The following DMD variants were observed in gnomAD, a reference collection of about 807,000 sequenced individuals.
DMD encodes the protein dystrophin, also known as mutant dystrophin.
A neutral mutation model predicts 330.1 loss-of-function variants in DMD; 63 were observed. That is an observed-to-expected ratio of 0.19 (90% confidence interval 0.16 to 0.24). The LOEUF (loss-of-function observed/expected upper bound fraction) is 0.24. Ranked by LOEUF, DMD falls within the 10% of genes least tolerant of loss-of-function variation. DMD has a pLI of 1.00. For missense variants in DMD, 3,344 were observed against 2,684.1 expected (o/e 1.25, Z -5.43); for synonymous variants, 1,223 against 959.8 (o/e 1.27, Z -5.07).
intron 23 of DMD, among the ~76,000 whole-genome samples, chrX:32,465,586 T>TTG (rs1557370637): frequency 0.01 from 756 of 74,491 alleles, 3 homozygotes; most frequent in South Asian, 0.069. Flanking sequence ...TTTTTTGTTT[T>TTG]TTTTTTTTTT....
intron 45 of DMD, among the ~76,000 whole-genome samples, chrX:31,967,024 G>T: frequency 9.2e-6 from 1 of 109,083 alleles, no homozygotes; most frequent in Admixed American, 9.8e-5. Flanking sequence ...TCTTAATTTG[G>T]ATTAGATTGA....
Position 31,230,051 on chromosome X carries a change from C to A in DMD, c.9287-6930G>T, listed in dbSNP as rs144871544. On this transcript the variant is annotated intron_variant, in intron 63 of 78. Transcript: ENST00000357033. The stretch of plus-strand genomic sequence containing the variant: ...CAAGAACAGACCAGGAATTCTGGAA[C>A]ATATCTTTAAAGAATTAGCTGAGAG... 3.7e-4 allele frequency among the ~76,000 whole-genome samples: 42 copies of A among 112,181 alleles called. 2 individuals carry two copies. In the East Asian group the frequency reaches 0.01, roughly 27 times the overall value.
chrX:33,317,944 C>T (rs1308404572), intron 1 of DMD, among the ~76,000 whole-genome samples: 1 of 111,280 alleles, frequency 9.0e-6, no homozygotes, highest in Non-Finnish European at 1.9e-5. Context: ...GAACATTTTC[C>T]CTTGTCTGAT....
At chrX:32,329,995 G>A (rs2097671388) in intron 41 of DMD, among the ~76,000 whole-genome samples, 1 of 112,111 alleles carries the variant, frequency 8.9e-6, no homozygotes, top group South Asian at 3.7e-4. Context: ...CGTTAAAATA[G>A]CTATTTAGGA....
chrX:32,102,138 A>G (rs1404198475), intron 44 of DMD: 1 of 111,685 alleles, frequency 9.0e-6, no homozygotes, highest in Admixed American at 9.5e-5. Flanking sequence ...CGACCTGGTT[A>G]GTACTTGGAT....
At chrX:31,258,121 T>C (rs1284854985) in intron 63 of DMD, among the ~76,000 whole-genome samples, 1 of 112,448 alleles carries the variant, frequency 8.9e-6, no homozygotes, top group African/African-American at 3.2e-5. Flanking sequence ...GTGTAGCAGG[T>C]ATGTAGTAAC....
chrX:31,779,346 A>C (rs2090877875), intron 50 of DMD, among the ~76,000 whole-genome samples: 1 of 111,140 alleles, frequency 9.0e-6, no homozygotes, highest in South Asian at 3.8e-4. Context: ...TCTTAACCCC[A>C]AGTCTGTTCA....
At chrX:32,662,280 G>A in intron 9 of DMD, among the ~76,000 whole-genome samples, 1 of 111,469 alleles carries the variant, frequency 9.0e-6, no homozygotes, top group Non-Finnish European at 1.9e-5. Context: ...AAATATGAAA[G>A]TACGGCAGCT....
chrX:32,566,229 G>A (rs1013288907), intron 15 of DMD, among the ~76,000 whole-genome samples: 13 of 111,819 alleles, frequency 1.2e-4, no homozygotes, highest in Admixed American at 4.8e-4. Flanking sequence ...TAGAAGGCAC[G>A]GATCTTGGAT....
intron 44 of DMD, among the ~76,000 whole-genome samples, chrX:32,048,429 G>A (rs2096079401): frequency 9.4e-6 from 1 of 106,143 alleles, no homozygotes; most frequent in Non-Finnish European, 1.9e-5. Flanking sequence ...TGCTGTTCCT[G>A]GAACAGCATA....
At chrX:32,769,646 A>G (rs2073387679) in intron 7 of DMD, among the ~76,000 whole-genome samples, 1 of 111,849 alleles carries the variant, frequency 8.9e-6, no homozygotes, top group Non-Finnish European at 1.9e-5. Flanking sequence ...GAATTAATAG[A>G]ATTCAGTTGC....
chrX:31,669,360 T>C (rs910762040), intron 53 of DMD, among the ~76,000 whole-genome samples: 2 of 112,285 alleles, frequency 1.8e-5, no homozygotes, highest in Non-Finnish European at 3.8e-5. Context: ...CCCCAATGAT[T>C]AGTGATGTTG....
At position 32,399,320 on chromosome X, in the gene DMD, A is replaced by G. The variant is rs371497845; in HGVS notation, c.4234-9139T>C. 2.0e-4 allele frequency among the ~76,000 whole-genome samples: 22 copies of G among 111,824 alleles called. No individual in the cohort carries two copies. The South Asian group carries it at 2.6e-3, about 13-fold the overall frequency. ...GACAACCCATGGAATGGGAGAAAAT[A>G]TTTCCAAACTACCCATCTGACAAGG... On this transcript the variant is annotated intron_variant, in intron 30 of 78. Coordinates refer to ENST00000357033, the MANE Select transcript of DMD (RefSeq NM_004006.3).
chrX:31,133,216 A>G (rs1332725149), intron 77 of DMD, among the ~76,000 whole-genome samples: 1 of 112,114 alleles, frequency 8.9e-6, no homozygotes, highest in Non-Finnish European at 1.9e-5. Context: ...AGAGGTGCCA[A>G]TCACTGGCCA....
At chrX:31,182,982 T>C in intron 67 of DMD, 78 bp from the exon 68 acceptor site, 4 of 841,191 alleles carry the variant, frequency 4.8e-6, no homozygotes, top group Non-Finnish European at 6.9e-6. Flanking sequence ...GAGGTGTATA[T>C]CAGTTCGATT....
intron 55 of DMD, among the ~76,000 whole-genome samples, chrX:31,511,378 A>T (rs2071554797): frequency 9.5e-6 from 1 of 105,637 alleles, no homozygotes; most frequent in South Asian, 4.3e-4. Context: ...CATGTGCACA[A>T]CGTGCAGGTT....
intron 44 of DMD, among the ~76,000 whole-genome samples, chrX:32,062,892 T>C (rs2147695762): frequency 9.3e-6 from 1 of 107,608 alleles, no homozygotes; most frequent in African/African-American, 3.5e-5. Flanking sequence ...TATTCAATTT[T>C]GGATTAGAAA....
At chrX:32,088,345 T>C (rs1031233399) in intron 44 of DMD, among the ~76,000 whole-genome samples, 4 of 110,283 alleles carry the variant, frequency 3.6e-5, no homozygotes, top group Middle Eastern at 4.2e-3. Flanking sequence ...TCGAGGTCAT[T>C]TGTTCAAGGT....
intron 1 of DMD, among the ~76,000 whole-genome samples, chrX:33,267,530 A>T (rs1468039037): frequency 1.8e-5 from 2 of 111,358 alleles, no homozygotes; most frequent in Admixed American, 1.9e-4. Context: ...CAAAAAAAAA[A>T]ATAAAAGAGC....
Sources: allele counts gnomAD v4.1 joint callset (sites outside exome capture counted in the v4.1 genomes callset), GRCh38; gene constraint gnomAD v4.1.1; transcripts MANE v1.5; gene names NCBI Gene and HGNC (gene_info 2026-07-23, HGNC 2026-07-21).